TMCO5A: variants seen among roughly 807,000 people sequenced by gnomAD.
TMCO5A encodes transmembrane and coiled-coil domain-containing protein 5A.
In TMCO5A, 34 loss-of-function variants were observed where a neutral mutation model predicts 42.3. The ratio of observed to expected loss-of-function variants is 0.80; its 90% CI spans 0.61 to 1.07. The LOEUF is 1.07. Ranked by LOEUF, TMCO5A falls within the 50% of genes least tolerant of loss-of-function variation. TMCO5A has a pLI of 0.00. For missense variants in TMCO5A, 357 were observed against 327.9 expected (o/e 1.09, Z -0.69); for synonymous variants, 131 against 115.6 (o/e 1.13, Z -0.86).
At chr15:38,008,043 C>T in the TMCO5A span, among the ~76,000 whole-genome samples, 1 of 151,720 alleles carries the variant, frequency 6.6e-6, no homozygotes, top group Non-Finnish European at 1.5e-5. Context: ...CTACAGGCGC[C>T]TGCCACCACG....
chr15:38,032,926 CTT>C, the TMCO5A span, among the ~76,000 whole-genome samples: 144 of 100,144 alleles, frequency 1.4e-3, no homozygotes, highest in Middle Eastern at 0.01. Context: ...AATTTGGTCT[CTT>C]TTTTTTTTTT....
chr15:37,935,854 A>G (rs1889491609), intron 2 of TMCO5A, among the ~76,000 whole-genome samples: 1 of 152,148 alleles, frequency 6.6e-6, no homozygotes. Flanking sequence ...TTGAAGCCCT[A>G]TCATGCTGGT....
downstream of TMCO5A, among the ~76,000 whole-genome samples, chr15:37,955,810 C>G (rs1182621835): frequency 6.6e-6 from 1 of 152,084 alleles, no homozygotes; most frequent in African/African-American, 2.4e-5. Context: ...CAGCACCACA[C>G]TGCACTTATT....
At chr15:37,953,044 A>G (rs912321180), downstream of TMCO5A, among the ~76,000 whole-genome samples, 3 of 152,196 alleles carry the variant, frequency 2.0e-5, no homozygotes, top group Admixed American at 1.3e-4. Context: ...CCTTATCTGC[A>G]GTACAGTACA....
At chr15:37,947,532 G>A (rs1186895042) in intron 10 of TMCO5A, 124 bp from the exon 11 acceptor site, 2 of 663,814 alleles carry the variant, frequency 3.0e-6, no homozygotes, top group African/African-American at 1.9e-5. Flanking sequence ...ATGTGCTTAT[G>A]CATATAAAAA....
chr15:37,941,050 T>C, intron 6 of TMCO5A, 99 bp from the exon 7 acceptor site: 1 of 1,089,768 alleles, frequency 9.2e-7, no homozygotes, highest in Non-Finnish European at 1.4e-6. Flanking sequence ...GTCATGGCCC[T>C]GAGGCTCCTC....
the TMCO5A span, among the ~76,000 whole-genome samples, chr15:38,010,185 A>G: frequency 6.6e-6 from 1 of 150,822 alleles, no homozygotes; most frequent in Non-Finnish European, 1.5e-5. Context: ...CATCCTGGCT[A>G]AGACAGTGAA....
the TMCO5A span, among the ~76,000 whole-genome samples, chr15:38,037,234 G>A: frequency 0.026 from 3,992 of 152,290 alleles, 161 homozygotes; most frequent in African/African-American, 0.089. Flanking sequence ...CTATATTTAA[G>A]AGGAAGAAAT....
the TMCO5A span, chr15:38,024,754 C>T: frequency 6.6e-6 from 1 of 152,238 alleles, no homozygotes; most frequent in Non-Finnish European, 1.5e-5. Flanking sequence ...AATGAAGGCA[C>T]CTGGACTAGG....
chr15:37,997,447 C>A, the TMCO5A span, among the ~76,000 whole-genome samples: 1 of 152,124 alleles, frequency 6.6e-6, no homozygotes, highest in Admixed American at 6.5e-5. Context: ...TTTTAACTCC[C>A]AAAATAAGTG....
At chr15:38,004,277 A>G in the TMCO5A span, among the ~76,000 whole-genome samples, 1 of 151,902 alleles carries the variant, frequency 6.6e-6, no homozygotes, top group South Asian at 2.1e-4. Flanking sequence ...GTGGATATCC[A>G]AGTTCCAAGA....
the TMCO5A span, among the ~76,000 whole-genome samples, chr15:38,035,476 A>G: frequency 6.6e-6 from 1 of 152,216 alleles, no homozygotes; most frequent in African/African-American, 2.4e-5. Flanking sequence ...GCCTAAAATA[A>G]GAACTTACAC....
At chr15:38,038,588 G>A in the TMCO5A span, among the ~76,000 whole-genome samples, 3 of 151,946 alleles carry the variant, frequency 2.0e-5, no homozygotes, top group Admixed American at 2.0e-4. Flanking sequence ...TATATTTGTA[G>A]TAGAGATGGG....
At chr15:38,021,487 A>AC in the TMCO5A span, among the ~76,000 whole-genome samples, 1 of 151,822 alleles carries the variant, frequency 6.6e-6, no homozygotes, top group African/African-American at 2.4e-5. Context: ...TTTAGAAGTG[A>AC]CCCCCATTGC....
chr15:38,022,486 G>T, the TMCO5A span, among the ~76,000 whole-genome samples: 1 of 152,104 alleles, frequency 6.6e-6, no homozygotes, highest in Non-Finnish European at 1.5e-5. Flanking sequence ...AGTTGCCAGG[G>T]GTTTGACGGG....
chr15:37,988,482 T>C, the TMCO5A span, among the ~76,000 whole-genome samples: 1 of 151,888 alleles, frequency 6.6e-6, no homozygotes, highest in Non-Finnish European at 1.5e-5. Flanking sequence ...TTGCTGTGAG[T>C]TTTTTCATAC....
the TMCO5A span, among the ~76,000 whole-genome samples, chr15:38,029,444 A>G: frequency 2.0e-5 from 3 of 152,028 alleles, no homozygotes; most frequent in South Asian, 6.2e-4. Flanking sequence ...CCTGAGAAGC[A>G]TAATCCACAA....
downstream of TMCO5A, among the ~76,000 whole-genome samples, chr15:37,971,064 G>A (rs1890664795): frequency 6.6e-6 from 1 of 152,192 alleles, no homozygotes; most frequent in Admixed American, 6.5e-5. Context: ...GACTCTGTGT[G>A]GGGGCTCTGA....
chr15:38,019,746 TA>T, the TMCO5A span, among the ~76,000 whole-genome samples: 1 of 151,822 alleles, frequency 6.6e-6, no homozygotes, highest in Non-Finnish European at 1.5e-5. Flanking sequence ...TAGCTGGGAC[TA>T]CAGGCAGTGC....
Sources: gnomAD v4.1 joint callset for allele counts (sites outside exome capture counted in the v4.1 genomes callset) on GRCh38, gnomAD v4.1.1 for gene constraint, MANE v1.5 for transcripts, NCBI Gene and HGNC (gene_info 2026-07-23, HGNC 2026-07-21) for gene names.